RIMS3: variants seen among roughly 807,000 people sequenced by gnomAD.
RIMS3 encodes the protein regulating synaptic membrane exocytosis 3.
Under a neutral mutation model 29.2 loss-of-function variants are expected in RIMS3, and 15 were observed. The observed-to-expected ratio is 0.51, with a 90% CI of 0.34 to 0.79. The LOEUF (loss-of-function observed/expected upper bound fraction) is 0.79. Among genes scored for constraint, RIMS3 ranks in the 30% least tolerant of loss-of-function variants. The pLI is 0.01. For missense variants in RIMS3, 342 were observed against 421.4 expected (o/e 0.81, Z 1.65); for synonymous variants, 161 against 170.1 (o/e 0.95, Z 0.41).
upstream of RIMS3, among the ~76,000 whole-genome samples, chr1:40,670,574 T>TA (rs1642479702): frequency 1.4e-5 from 1 of 71,210 alleles, no homozygotes; most frequent in Non-Finnish European, 2.4e-5. Flanking sequence ...AGTTATAATT[T>TA]TATATATATA....
chr1:40,662,078 A>C (rs1642360692), intron 1 of RIMS3, among the ~76,000 whole-genome samples: 1 of 152,102 alleles, frequency 6.6e-6, no homozygotes, highest in Non-Finnish European at 1.5e-5. Context: ...AGGGCCATAG[A>C]CCCTAACATT....
chr1:40,646,778 G>C (rs879650781), intron 2 of RIMS3, among the ~76,000 whole-genome samples: 37 of 152,048 alleles, frequency 2.4e-4, no homozygotes, highest in African/African-American at 8.0e-4. Context: ...ACCCTAAAAG[G>C]GCCCTCCAAA....
chr1:40,687,195 A>G, the RIMS3 span, among the ~76,000 whole-genome samples: 1 of 152,242 alleles, frequency 6.6e-6, no homozygotes, highest in Admixed American at 6.5e-5. Context: ...GGAAAAGAGA[A>G]TAGGGCGTAA....
rs1025256394 is a variant in RIMS3, at chr1:40,623,242, C to A, written c.*3275G>T. 1 of 395,860 alleles carries A rather than the reference C, an allele frequency of 2.5e-6. No individual in the cohort carries two copies. The highest frequency in any genetic ancestry group is 2.1e-5 in the African/African-American group (1 of 48,542). 24.5% of individuals were successfully genotyped at this position (395,860 alleles called of 1,614,324 possible). A position where few individuals can be genotyped will look rare whatever the true frequency, so the allele number is the denominator to read the frequency against. ...TAGTAGAATTGGGTGGTAGAAGAAA[C>A]CAGATGGGGAGTCATTTTGGAGATG... On this transcript the variant is annotated 3_prime_UTR_variant, in exon 8 of 8. Coordinates refer to ENST00000372684, the MANE Select transcript of RIMS3 (RefSeq NM_014747.3).
chr1:40,623,503 T>C lies in RIMS3; in HGVS notation c.*3014A>G. On this transcript the variant is annotated 3_prime_UTR_variant, in exon 8 of 8. Coordinates refer to ENST00000372684, the MANE Select transcript of RIMS3 (RefSeq NM_014747.3). ...GTCTCTGCCATATGCACAGTGAACC[T>C]CGCCTGACCAGAGGAGGTGGAATGA... 1 of 398,626 alleles carries C rather than the reference T, an allele frequency of 2.5e-6. No individual in the cohort carries two copies. The highest frequency in any genetic ancestry group is 4.4e-6 in the Non-Finnish European group (1 of 226,098). 24.7% of individuals were successfully genotyped at this position (398,626 alleles called of 1,614,324 possible).
In RIMS3 at chr1:40,641,842, G is replaced by A. The variant is rs979507399; in HGVS notation, c.84C>T (p.Cys28=). ...CCCCGCCCCCGGCTTGCTGGGATCC[G>A]CAGATTTCACCGCTAATGCTGGAGC... ...VRSSSISGEI[C]GSQQAGGGAG... The change falls in exon 3 of 8, where the codon TGC becomes TGT. Residue 28 remains cysteine (C), a synonymous_variant. Coordinates refer to ENST00000372684, the MANE Select transcript of RIMS3 (RefSeq NM_014747.3). The A allele has an allele frequency of 2.5e-5, 40 of 1,613,322 alleles. No homozygotes were observed. In the African/African-American group the frequency reaches 3.2e-4, roughly 13 times the overall value.
chr1:40,639,099 G>C (rs1646539678), intron 3 of RIMS3, among the ~76,000 whole-genome samples: 1 of 152,218 alleles, frequency 6.6e-6, no homozygotes, highest in Admixed American at 6.5e-5. Context: ...CCATTGCACA[G>C]TACGGACACA....
At position 40,625,344 on chromosome 1, in the gene RIMS3, C is replaced by G. The variant is rs565787644; in HGVS notation, c.*1173G>C. ...AGACAGAGCTGGTGATGGTGGCAGACGAGAGTCCGGAGCCAGGCTGCTGGA... is the reference window on the plus strand; with the variant it reads ...AGACAGAGCTGGTGATGGTGGCAGAGGAGAGTCCGGAGCCAGGCTGCTGGA... On this transcript the variant is annotated 3_prime_UTR_variant, in exon 8 of 8. Transcript: ENST00000372684. 7 of 152,778 alleles carry G rather than the reference C, an allele frequency of 4.6e-5. 1 individual carries two copies. Among genetic ancestry groups the G allele is most frequent in the Middle Eastern group, 3.4e-3 (1 of 296 alleles). 9.5% of individuals were successfully genotyped at this position (152,778 alleles called of 1,614,324 possible).
chr1:40,682,086 G>A, the RIMS3 span, among the ~76,000 whole-genome samples: 2 of 152,056 alleles, frequency 1.3e-5, no homozygotes, highest in East Asian at 3.9e-4. Flanking sequence ...TGCCTGCCTT[G>A]GCCTCCTGAA....
chr1:40,653,620 G>A (rs1377790841), intron 1 of RIMS3, among the ~76,000 whole-genome samples: 1 of 152,186 alleles, frequency 6.6e-6, no homozygotes, highest in Non-Finnish European at 1.5e-5. Context: ...CCGGGGCTCT[G>A]AAGCACTTAT....
chr1:40,685,561 C>CA, the RIMS3 span, among the ~76,000 whole-genome samples: 1 of 151,658 alleles, frequency 6.6e-6, no homozygotes, highest in African/African-American at 2.4e-5. Context: ...GTCCTTGAGT[C>CA]AAAGTCACCC....
At position 40,641,935 on chromosome 1, in the gene RIMS3, G is replaced by C; in HGVS notation, c.-10C>G. 1 of 1,611,754 alleles carries C rather than the reference G, an allele frequency of 6.2e-7. No homozygotes were observed. The highest frequency in any genetic ancestry group is 8.5e-7 in the Non-Finnish European group (1 of 1,178,640). ...GCTCCCCGTTAAACATGGTCCCCGGGGTGGCAGGGCCTCAGGCAGCTCTGA... is the reference window on the plus strand; with the variant it reads ...GCTCCCCGTTAAACATGGTCCCCGGCGTGGCAGGGCCTCAGGCAGCTCTGA... On this transcript the variant is annotated 5_prime_UTR_variant, in exon 3 of 8. Transcript: ENST00000372684.
intron 1 of RIMS3, 50 bp from the exon 2 acceptor site, chr1:40,647,892 C>T (rs1343758330): frequency 6.6e-6 from 1 of 152,216 alleles, no homozygotes; most frequent in African/African-American, 2.4e-5. Flanking sequence ...AAGCATCTAC[C>T]CTCAAGGGCT....
chr1:40,667,376 G>A (rs1642439542), upstream of RIMS3, among the ~76,000 whole-genome samples: 1 of 152,114 alleles, frequency 6.6e-6, no homozygotes, highest in Non-Finnish European at 1.5e-5. Context: ...GCCAGGGCAG[G>A]ACCTGGAACG....
Position 40,633,136 on chromosome 1 carries a change from G to T in RIMS3, c.405C>A (p.Ser135Arg), listed in dbSNP as rs371406864. 31 of 1,614,004 alleles carry T rather than the reference G, an allele frequency of 1.9e-5. 3 individuals carry two copies. In the South Asian group the frequency reaches 3.4e-4, roughly 18 times the overall value. ...CTGGTCCCAGCCCATCCAGGAAATCGCTGAACTGGCTTTCAGCCCCTAGCC... is the reference window on the plus strand; with the variant it reads ...CTGGTCCCAGCCCATCCAGGAAATCTCTGAACTGGCTTTCAGCCCCTAGCC... ...TTRLGAESQF[S>R]DFLDGLGPAQ... The change falls in exon 5 of 8, where the codon AGC (serine) becomes AGA (arginine). Residue 135 changes from serine (S) to arginine (R), a missense_variant. Transcript: ENST00000372684.
intron 3 of RIMS3, 37 bp downstream of exon 3, chr1:40,641,672 C>T: frequency 1.9e-6 from 3 of 1,599,390 alleles, no homozygotes; most frequent in South Asian, 1.1e-5. Context: ...GCGAAGTGTC[C>T]CCCACCTCTA....
At chr1:40,673,330 G>A in the RIMS3 span, 1 of 152,176 alleles carries the variant, frequency 6.6e-6, no homozygotes, top group Non-Finnish European at 1.5e-5. Context: ...CACTCTCAGA[G>A]TCCATTCCAG....
the RIMS3 span, chr1:40,691,882 G>A: frequency 2.6e-6 from 1 of 385,664 alleles, no homozygotes; most frequent in Non-Finnish European, 5.3e-6. Context: ...GTGAGTGTGC[G>A]GGAGTTTCTG....
upstream of RIMS3, among the ~76,000 whole-genome samples, chr1:40,666,980 G>A (rs992768166): frequency 2.8e-4 from 42 of 152,212 alleles, no homozygotes; most frequent in African/African-American, 9.2e-4. Context: ...AGCCGAGGTC[G>A]CACCACTGCA....
Sources: gnomAD v4.1 joint callset for allele counts (sites outside exome capture counted in the v4.1 genomes callset) on GRCh38, gnomAD v4.1.1 for gene constraint, MANE v1.5 for transcripts, NCBI Gene and HGNC (gene_info 2026-07-23, HGNC 2026-07-21) for gene names.